PDE10A: variants seen among roughly 807,000 people sequenced by gnomAD.
PDE10A encodes cAMP and cAMP-inhibited cGMP 3',5'-cyclic phosphodiesterase 10A.
PDE10A carries 39 observed loss-of-function variants against 97.7 expected under a neutral mutation model. That is an observed-to-expected ratio of 0.40 (90% CI 0.31 to 0.52). The LOEUF is 0.52. Among genes scored for constraint, PDE10A ranks in the 20% least tolerant of loss-of-function variants. PDE10A has a pLI of 0.56. For synonymous variants in PDE10A, 371 were observed against 376.8 expected, an observed-to-expected ratio of 0.98 and a Z score of 0.18; for missense variants, 731 against 1,047.8, an observed-to-expected ratio of 0.70 and a Z score of 4.17.
At chr6:165,700,200 A>G (rs1185126592) in intron 1 of PDE10A, among the ~76,000 whole-genome samples, 1 of 152,228 alleles carries the variant, frequency 6.6e-6, no homozygotes, top group Non-Finnish European at 1.5e-5. Flanking sequence ...ACCAGTCACA[A>G]GAGACCACAT....
chr6:165,403,630 T>C (rs941278140), intron 13 of PDE10A, among the ~76,000 whole-genome samples: 16 of 152,192 alleles, frequency 1.1e-4, no homozygotes, highest in African/African-American at 3.9e-4. Context: ...AAACTACATA[T>C]TTTCTATATG....
intron 3 of PDE10A, among the ~76,000 whole-genome samples, chr6:165,469,315 T>C (rs1562496153): frequency 6.6e-6 from 1 of 152,214 alleles, no homozygotes; most frequent in Admixed American, 6.5e-5. Flanking sequence ...TATTTCCATA[T>C]AGCAGGGTGT....
intron 1 of PDE10A, among the ~76,000 whole-genome samples, chr6:165,980,109 G>A (rs1784968031): frequency 1.3e-5 from 2 of 152,314 alleles, no homozygotes; most frequent in Non-Finnish European, 1.5e-5. Flanking sequence ...CATCATAGGT[G>A]TAATCACCCT....
At chr6:165,749,683 A>ACCC (rs1328701911) in intron 1 of PDE10A, among the ~76,000 whole-genome samples, 3 of 152,346 alleles carry the variant, frequency 2.0e-5, no homozygotes, top group Middle Eastern at 3.4e-3. Context: ...AATTCTGGCT[A>ACCC]CCCCCAATCT....
chr6:165,566,830 CCTTA>C (rs1389109755), intron 1 of PDE10A, among the ~76,000 whole-genome samples: 18 of 152,154 alleles, frequency 1.2e-4, no homozygotes, highest in Admixed American at 6.5e-5. Context: ...AAATCCCAAT[CCTTA>C]CTGTCATACA....
chr6:165,457,345 GT>G (rs34962061), intron 3 of PDE10A, among the ~76,000 whole-genome samples: 65,050 of 151,880 alleles, frequency 0.43, 14,455 homozygotes, highest in Middle Eastern at 0.56. Context: ...CCAAAGTAGA[GT>G]TAAGCTGGGA....
chr6:165,694,035 A>C (rs1179101492), intron 1 of PDE10A, among the ~76,000 whole-genome samples: 1 of 152,224 alleles, frequency 6.6e-6, no homozygotes, highest in Non-Finnish European at 1.5e-5. Context: ...GTACAAGTTG[A>C]AACATCTCAC....
chr6:165,617,768 A>C (rs921088692), intron 1 of PDE10A, among the ~76,000 whole-genome samples: 1 of 152,196 alleles, frequency 6.6e-6, no homozygotes, highest in Non-Finnish European at 1.5e-5. Context: ...AGGTTATCAC[A>C]CACAACATCA....
At chr6:165,404,276 A>G (rs1456790692) in intron 13 of PDE10A, among the ~76,000 whole-genome samples, 1 of 152,164 alleles carries the variant, frequency 6.6e-6, no homozygotes, top group East Asian at 1.9e-4. Context: ...TAACAGACCC[A>G]TCGCAGGGTG....
intron 1 of PDE10A, among the ~76,000 whole-genome samples, chr6:165,821,785 T>G (rs1188913131): frequency 6.6e-6 from 1 of 152,172 alleles, no homozygotes; most frequent in Admixed American, 6.5e-5. Flanking sequence ...TCAAGTGATC[T>G]GCCCATCTCG....
intron 1 of PDE10A, among the ~76,000 whole-genome samples, chr6:165,898,513 G>A (rs895998584): frequency 6.6e-6 from 1 of 152,122 alleles, no homozygotes; most frequent in Admixed American, 6.5e-5. Context: ...CTCCCGTGCT[G>A]TGATCCCACC....
chr6:165,829,618 G>A (rs547225028), intron 1 of PDE10A, among the ~76,000 whole-genome samples: 2 of 152,306 alleles, frequency 1.3e-5, no homozygotes, highest in East Asian at 3.9e-4. Context: ...CTGTGTAAGG[G>A]TAAATGGCAG....
intron 1 of PDE10A, among the ~76,000 whole-genome samples, chr6:165,694,823 C>T (rs1051320432): frequency 1.3e-5 from 2 of 150,926 alleles, no homozygotes; most frequent in African/African-American, 4.9e-5. Flanking sequence ...ATCAGGCTCC[C>T]AAACGAAACA....
chr6:165,703,870 C>T (rs573772659), intron 1 of PDE10A, among the ~76,000 whole-genome samples: 45 of 152,312 alleles, frequency 3.0e-4, no homozygotes, highest in African/African-American at 1.1e-3. Context: ...CGAGTCTCCA[C>T]TGGGGGCTGG....
intron 1 of PDE10A, among the ~76,000 whole-genome samples, chr6:165,822,248 C>A (rs1002530297): frequency 6.6e-6 from 1 of 151,764 alleles, no homozygotes; most frequent in Admixed American, 6.6e-5. Context: ...CAGCCCACCA[C>A]ACACCTGGAT....
chr6:165,963,809 C>T (rs1055438173), intron 1 of PDE10A, among the ~76,000 whole-genome samples: 2 of 152,206 alleles, frequency 1.3e-5, no homozygotes, highest in Non-Finnish European at 2.9e-5. Flanking sequence ...TGCTGTGCCT[C>T]CTCCTCTGAG....
intron 2 of PDE10A, among the ~76,000 whole-genome samples, chr6:165,510,519 C>T (rs1234672697): frequency 1.3e-5 from 2 of 151,864 alleles, no homozygotes; most frequent in African/African-American, 4.8e-5. Flanking sequence ...CCTTGTCTGG[C>T]TTAGGTATGA....
intron 1 of PDE10A, among the ~76,000 whole-genome samples, chr6:165,843,488 C>T (rs1288100686): frequency 6.6e-6 from 1 of 152,192 alleles, no homozygotes; most frequent in Non-Finnish European, 1.5e-5. Context: ...TCCACAAGTC[C>T]AAGAGCAGGG....
chr6:165,561,046 T>G (rs559829951), intron 1 of PDE10A, among the ~76,000 whole-genome samples: 4 of 151,868 alleles, frequency 2.6e-5, no homozygotes, highest in African/African-American at 9.7e-5. Flanking sequence ...GGTGAAACCC[T>G]GTCTCTACTA....
Sources: gnomAD v4.1 joint callset for allele counts (sites outside exome capture counted in the v4.1 genomes callset) on GRCh38, gnomAD v4.1.1 for gene constraint, MANE v1.5 for transcripts, NCBI Gene and HGNC (gene_info 2026-07-23, HGNC 2026-07-21) for gene names.